The following DPT variants were observed in gnomAD, a reference collection of about 807,000 sequenced individuals.
DPT encodes dermatopontin.
A neutral mutation model predicts 31.2 loss-of-function variants in DPT; 21 were observed. That is an observed-to-expected ratio of 0.67 (90% CI 0.48 to 0.97). The LOEUF is 0.97. Ranked by LOEUF, DPT falls within the 50% of genes least tolerant of loss-of-function variation. The pLI is 0.00. For synonymous variants in DPT, 91 were observed against 86.9 expected (o/e 1.05, Z -0.26); for missense variants, 262 against 258.8 (o/e 1.01, Z -0.08).
Position 168,696,399 on chromosome 1 carries a change from C to A in DPT, c.*150G>T. The A allele has an allele frequency of 1.6e-6, 1 of 629,500 alleles. No homozygotes were observed. 39.0% of individuals were successfully genotyped at this position (629,500 alleles called of 1,614,324 possible). A position where few individuals can be genotyped will look rare whatever the true frequency, so the allele number is the denominator to read the frequency against. On this transcript the variant is annotated 3_prime_UTR_variant, in exon 4 of 4. Coordinates refer to ENST00000367817, the MANE Select transcript of DPT (RefSeq NM_001937.5). The stretch of plus-strand genomic sequence containing the variant: ...AGAAGTGTGATACTAGTCAGAAAGG[C>A]CCAGGAAGTTGGCATTGCAGTTACC...
chr1:168,713,920 A>C (rs1295549223), intron 2 of DPT, among the ~76,000 whole-genome samples: 4 of 152,094 alleles, frequency 2.6e-5, no homozygotes, highest in Admixed American at 2.6e-4. Flanking sequence ...GATGGGAGTC[A>C]TTAGGCCTAA....
chr1:168,720,580 A>G (rs1293258676), intron 1 of DPT, among the ~76,000 whole-genome samples: 1 of 152,174 alleles, frequency 6.6e-6, no homozygotes, highest in Non-Finnish European at 1.5e-5. Context: ...AATAGATAAT[A>G]GATGGGCTGG....
At chr1:168,704,234 G>A (rs1164881811) in intron 2 of DPT, among the ~76,000 whole-genome samples, 3 of 152,270 alleles carry the variant, frequency 2.0e-5, no homozygotes, top group South Asian at 2.1e-4. Context: ...ACTGAGCATT[G>A]CCATACATTC....
intron 2 of DPT, among the ~76,000 whole-genome samples, chr1:168,713,719 C>CT (rs957359686): frequency 1.3e-5 from 2 of 151,708 alleles, no homozygotes; most frequent in African/African-American, 2.4e-5. Context: ...ACAGCACAAT[C>CT]TTTTTTTTTA....
intron 2 of DPT, among the ~76,000 whole-genome samples, chr1:168,713,705 G>C (rs977646207): frequency 3.9e-5 from 6 of 152,172 alleles, no homozygotes; most frequent in African/African-American, 1.4e-4. Flanking sequence ...AATGGATCCA[G>C]AAAACAGCAC....
intron 2 of DPT, among the ~76,000 whole-genome samples, chr1:168,703,905 C>A (rs1317551203): frequency 6.6e-6 from 1 of 152,184 alleles, no homozygotes; most frequent in Non-Finnish European, 1.5e-5. Flanking sequence ...CTGCATTTAG[C>A]GCTTGATGAC....
At chr1:168,713,388 T>G (rs1649908347) in intron 2 of DPT, among the ~76,000 whole-genome samples, 1 of 152,246 alleles carries the variant, frequency 6.6e-6, no homozygotes. Flanking sequence ...AGCTGTCTGA[T>G]TGCAGAGAAT....
At chr1:168,719,003 C>A (rs924426042) in intron 1 of DPT, among the ~76,000 whole-genome samples, 2 of 152,146 alleles carry the variant, frequency 1.3e-5, no homozygotes, top group African/African-American at 2.4e-5. Context: ...AGCACAGGTA[C>A]TTTAGTATGC....
chr1:168,719,589 C>T (rs759468876), intron 1 of DPT, among the ~76,000 whole-genome samples: 21 of 151,984 alleles, frequency 1.4e-4, no homozygotes, highest in Non-Finnish European at 2.8e-4. Context: ...TGCTCTATTC[C>T]GCTTGGAGGG....
At chr1:168,728,053 A>G (rs1650289343) in intron 1 of DPT, among the ~76,000 whole-genome samples, 1 of 152,164 alleles carries the variant, frequency 6.6e-6, no homozygotes, top group African/African-American at 2.4e-5. Flanking sequence ...TACTAGGATG[A>G]GCTCCTGACC....
intron 1 of DPT, among the ~76,000 whole-genome samples, chr1:168,720,180 C>T (rs368014906): frequency 1.3e-5 from 2 of 152,090 alleles, no homozygotes; most frequent in Non-Finnish European, 2.9e-5. Context: ...AGTGATAATG[C>T]CTACAAAACT....
At position 168,701,071 on chromosome 1, in the gene DPT, T is replaced by C. The variant is rs201490269; in HGVS notation, c.485A>G (p.Tyr162Cys). 9.9e-6 allele frequency: 16 copies of C among 1,614,000 alleles called. No homozygotes were observed. Among genetic ancestry groups the C allele is most frequent in the Middle Eastern group, 1.6e-4 (1 of 6,062 alleles). The change falls in exon 3 of 4, where the codon TAC becomes TGC. Residue 162 changes from tyrosine (Y) to cysteine (C), a missense_variant. Coordinates refer to ENST00000367817, the MANE Select transcript of DPT (RefSeq NM_001937.5). ...TCCTCGGATATAGTAATCATAATTG[T>C]AGGAAATCATGTCCATTTCCTCACC... Reference protein sequence around the residue: ...HYGEEMDMISYNYDYYIRGAT... With the variant: ...HYGEEMDMISCNYDYYIRGAT...
chr1:168,715,867 AT>A (rs1369143317), intron 1 of DPT, among the ~76,000 whole-genome samples: 2 of 152,218 alleles, frequency 1.3e-5, no homozygotes, highest in Non-Finnish European at 2.9e-5. Flanking sequence ...CCATTGGTCT[AT>A]CCCCTCTTAT....
chr1:168,727,433 T>A (rs1650273185), intron 1 of DPT, among the ~76,000 whole-genome samples: 1 of 152,200 alleles, frequency 6.6e-6, no homozygotes, highest in African/African-American at 2.4e-5. Context: ...CCGCTCTCTT[T>A]CCTGGCTCCC....
chr1:168,696,544 C>G lies in DPT; in HGVS notation c.*5G>C. ...CCTTTCACCCAGATTTGGTATGTGGCAAATCTAAACATTTGCAAATTCACA... is the reference window on the plus strand; with the variant it reads ...CCTTTCACCCAGATTTGGTATGTGGGAAATCTAAACATTTGCAAATTCACA... On this transcript the variant is annotated 3_prime_UTR_variant, in exon 4 of 4. Coordinates refer to ENST00000367817, the MANE Select transcript of DPT (RefSeq NM_001937.5). 6.2e-7 allele frequency: 1 copy of G among 1,613,592 alleles called. No individual in the cohort carries two copies. Among genetic ancestry groups the G allele is most frequent in the South Asian group, 1.1e-5 (1 of 90,958 alleles).
chr1:168,714,656 T>C (rs1649938099), intron 1 of DPT, among the ~76,000 whole-genome samples: 1 of 152,236 alleles, frequency 6.6e-6, no homozygotes, highest in Admixed American at 6.5e-5. Context: ...ACATCTAGAA[T>C]TTTACAAATT....
intron 3 of DPT, among the ~76,000 whole-genome samples, chr1:168,700,796 C>T (rs74122750): frequency 0.028 from 4,271 of 152,216 alleles, 187 homozygotes; most frequent in African/African-American, 0.098. Flanking sequence ...TGCAGTTAAT[C>T]CTTGACCAGG....
chr1:168,715,044 A>G (rs1649948356), intron 1 of DPT, among the ~76,000 whole-genome samples: 1 of 152,022 alleles, frequency 6.6e-6, no homozygotes, highest in East Asian at 1.9e-4. Flanking sequence ...CTGGCTGTGG[A>G]GGCAGTCCTT....
chr1:168,726,727 T>C (rs1284881109), intron 1 of DPT, among the ~76,000 whole-genome samples: 3 of 152,228 alleles, frequency 2.0e-5, no homozygotes, highest in African/African-American at 7.2e-5. Flanking sequence ...AGGTGAGGAC[T>C]GGAGGGACAG....
Sources: gnomAD v4.1 joint callset for allele counts (sites outside exome capture counted in the v4.1 genomes callset) on GRCh38, gnomAD v4.1.1 for gene constraint, MANE v1.5 for transcripts, NCBI Gene and HGNC (gene_info 2026-07-23, HGNC 2026-07-21) for gene names.